SRSF11: variants seen among roughly 807,000 people sequenced by gnomAD.
SRSF11 encodes serine/arginine-rich splicing factor 11.
Under a neutral mutation model 56.0 loss-of-function variants are expected in SRSF11, and 9 were observed. The observed-to-expected ratio is 0.16, with a 90% CI of 0.10 to 0.28. The LOEUF (loss-of-function observed/expected upper bound fraction) is 0.28, where lower values mean the gene tolerates loss of function less well. SRSF11 is among the 10% of genes least tolerant of loss of function. The pLI is 1.00. For missense variants in SRSF11, 421 were observed against 600.7 expected, an observed-to-expected ratio of 0.70 and a Z score of 3.13; for synonymous variants, 222 against 215.3, an observed-to-expected ratio of 1.03 and a Z score of -0.27.
In SRSF11 at chr1:70,221,449, T is replaced by A; in HGVS notation, c.-188T>A. On this transcript the variant is annotated 5_prime_UTR_variant, in exon 1 of 12. Coordinates refer to ENST00000370949, the MANE Select transcript of SRSF11 (RefSeq NM_001350605.2). ...GTGGTCTCGAGCTCGCGCGCTCTCA[T>A]CCCCTCCCCCGCGGCGTGCGGCGGG... 2.1e-5 allele frequency: 15 copies of A among 722,598 alleles called. No homozygotes were observed. Among genetic ancestry groups the A allele is most frequent in the African/African-American group, 3.7e-5 (2 of 53,756 alleles). The allele number at this position is 722,598 out of a possible 1,614,324, so 44.8% of individuals were successfully genotyped here.
chr1:70,223,531 A>G (rs1332957755), intron 1 of SRSF11, among the ~76,000 whole-genome samples: 1 of 152,178 alleles, frequency 6.6e-6, no homozygotes, highest in Non-Finnish European at 1.5e-5. Context: ...GATCTGGGAT[A>G]TTCTGCATTA....
At chr1:70,209,932 T>A (rs1222457963) in intron 1 of SRSF11, among the ~76,000 whole-genome samples, 5 of 151,810 alleles carry the variant, frequency 3.3e-5, no homozygotes, top group Admixed American at 6.6e-5. Flanking sequence ...GTGAAGACAG[T>A]ACATATTTTG....
intron 1 of SRSF11, among the ~76,000 whole-genome samples, chr1:70,227,775 C>T (rs1453438887): frequency 6.6e-6 from 1 of 152,160 alleles, no homozygotes; most frequent in Admixed American, 6.5e-5. Flanking sequence ...AGCCCTTTTG[C>T]TTATTGAAAC....
chr1:70,207,750 A>G (rs952542634), intron 1 of SRSF11, among the ~76,000 whole-genome samples: 21 of 147,172 alleles, frequency 1.4e-4, no homozygotes, highest in African/African-American at 5.0e-4. Context: ...TTAAGAGACC[A>G]GGTCTCACTC....
At chr1:70,244,416 G>A (rs969328206) in intron 7 of SRSF11, among the ~76,000 whole-genome samples, 1 of 152,102 alleles carries the variant, frequency 6.6e-6, no homozygotes, top group Admixed American at 6.5e-5. Flanking sequence ...TAACCTTGGA[G>A]TTGTAAGTAC....
chr1:70,213,200 T>A lies in SRSF11; in HGVS notation c.-26+7420T>A, dbSNP rs72929215. Reference sequence around the variant, plus strand: ...TATTTTTAATCTTAGAAACTTCAAATGGCATCATTATCCCCATTTTTCACA... The same window carrying A: ...TATTTTTAATCTTAGAAACTTCAAAAGGCATCATTATCCCCATTTTTCACA... On this transcript the variant is annotated intron_variant, in intron 1 of 12. Transcript: ENST00000370950. 3.2e-3 allele frequency among the ~76,000 whole-genome samples: 488 copies of A among 152,332 alleles called. 2 individuals are homozygous for A. The highest frequency in any genetic ancestry group is 0.011 in the African/African-American group (462 of 41,582).
In SRSF11 at chr1:70,252,256, G is replaced by A. The variant is rs1678062521; in HGVS notation, c.*1451G>A. ...TTGTGTGGGAATGGGGTTGGATAAA[G>A]CAATGAACTTTAGTATAAACAAATC... On this transcript the variant is annotated 3_prime_UTR_variant, in exon 12 of 12. Transcript: ENST00000370949. The A allele has an allele frequency of 6.6e-6, 1 of 152,076 alleles. No individual in the cohort carries two copies. Among genetic ancestry groups the A allele is most frequent in the Non-Finnish European group, 1.5e-5 (1 of 67,984 alleles). 9.4% of individuals were successfully genotyped at this position (152,076 alleles called of 1,614,324 possible).
intron 2 of SRSF11, chr1:70,231,950 G>A: frequency 6.5e-7 from 1 of 1,531,376 alleles, no homozygotes; most frequent in Non-Finnish European, 8.7e-7. Flanking sequence ...CTTACGTTTG[G>A]TTCATGACTT....
chr1:70,225,233 C>T (rs953115411), intron 1 of SRSF11, among the ~76,000 whole-genome samples: 1 of 152,118 alleles, frequency 6.6e-6, no homozygotes, highest in African/African-American at 2.4e-5. Flanking sequence ...CATTGAAGTT[C>T]ATTAGTAACT....
upstream of SRSF11, among the ~76,000 whole-genome samples, chr1:70,216,762 T>C (rs1414527809): frequency 6.6e-6 from 1 of 152,088 alleles, no homozygotes; most frequent in Non-Finnish European, 1.5e-5. Flanking sequence ...TTGATAATAA[T>C]GATCATTTAT....
intron 3 of SRSF11, among the ~76,000 whole-genome samples, chr1:70,233,538 T>A (rs764739851): frequency 1.3e-5 from 2 of 152,206 alleles, no homozygotes; most frequent in Non-Finnish European, 2.9e-5. Flanking sequence ...CCGCGCCCAG[T>A]CCAGATCTGG....
At chr1:70,239,195 A>G (rs991941548) in intron 6 of SRSF11, among the ~76,000 whole-genome samples, 3 of 151,942 alleles carry the variant, frequency 2.0e-5, no homozygotes, top group Admixed American at 6.6e-5. Flanking sequence ...GGCTCAAGCA[A>G]TCCTCCCAGC....
At chr1:70,230,723 ATCT>A (rs1392645534) in intron 2 of SRSF11, 1 of 1,194,926 alleles carries the variant, frequency 8.4e-7, no homozygotes, top group Non-Finnish European at 1.1e-6. Flanking sequence ...ATGGATGCAG[ATCT>A]TCTATCAGGT....
At chr1:70,205,738 C>T (rs1668943473) in exon 1 of SRSF11, 3 of 493,680 alleles carry the variant, frequency 6.1e-6, no homozygotes, top group African/African-American at 1.9e-5. Flanking sequence ...AAGCCTTTTC[C>T]GTTGCCGGTG....
chr1:70,247,006 A>G, intron 9 of SRSF11, 99 bp downstream of exon 9: 1 of 1,161,938 alleles, frequency 8.6e-7, no homozygotes, highest in Non-Finnish European at 1.2e-6. Flanking sequence ...GAACATAAGT[A>G]TTTCAGTGTT....
At chr1:70,247,089 TC>T in intron 9 of SRSF11, 182 bp downstream of exon 9, 1 of 1,143,524 alleles carries the variant, frequency 8.7e-7, no homozygotes, top group Non-Finnish European at 1.1e-6. Flanking sequence ...AGTTTATTTT[TC>T]TTTTTACTTA....
intron 3 of SRSF11, 58 bp from the exon 4 acceptor site, chr1:70,234,638 C>G: frequency 1.4e-6 from 2 of 1,390,664 alleles, no homozygotes; most frequent in South Asian, 1.3e-5. Context: ...AAAGTATTAA[C>G]CCCTGGTATA....
At chr1:70,243,225 A>G (rs1012066836) in intron 7 of SRSF11, among the ~76,000 whole-genome samples, 1 of 151,574 alleles carries the variant, frequency 6.6e-6, no homozygotes, top group African/African-American at 2.4e-5. Flanking sequence ...CTATACCAGA[A>G]TCCATGCATA....
chr1:70,210,075 T>C (rs1669421242), intron 1 of SRSF11, among the ~76,000 whole-genome samples: 1 of 152,158 alleles, frequency 6.6e-6, no homozygotes, highest in Non-Finnish European at 1.5e-5. Flanking sequence ...CTTTGTTTTC[T>C]CTGCTTCTCT....
Sources: allele counts gnomAD v4.1 joint callset (sites outside exome capture counted in the v4.1 genomes callset), GRCh38; gene constraint gnomAD v4.1.1; transcripts MANE v1.5; gene names NCBI Gene and HGNC (gene_info 2026-07-23, HGNC 2026-07-21).